RBM27: variants seen among roughly 807,000 people sequenced by gnomAD.
RBM27 encodes RNA binding motif protein 27.
Under a neutral mutation model 135.3 loss-of-function variants are expected in RBM27, and 22 were observed. The ratio of observed to expected loss-of-function variants is 0.16; its 90% CI spans 0.12 to 0.23. RBM27 has a LOEUF of 0.23. Ranked by LOEUF, RBM27 falls within the 10% of genes least tolerant of loss-of-function variation. The pLI is 1.00. For synonymous variants in RBM27, 481 were observed against 442.4 expected, an observed-to-expected ratio of 1.09 and a Z score of -1.10; for missense variants, 1,009 against 1,281.0, an observed-to-expected ratio of 0.79 and a Z score of 3.24.
chr5:146,209,138 G>A (rs1755831491), intron 1 of RBM27, among the ~76,000 whole-genome samples: 1 of 152,058 alleles, frequency 6.6e-6, no homozygotes, highest in Non-Finnish European at 1.5e-5. Context: ...GAGTATTAAT[G>A]ATGTAGACTT....
intron 1 of RBM27, among the ~76,000 whole-genome samples, chr5:146,209,399 A>G (rs891767379): frequency 3.3e-5 from 5 of 152,208 alleles, no homozygotes; most frequent in Non-Finnish European, 5.9e-5. Flanking sequence ...ATTTCTGGCC[A>G]TATCAGTGTC....
Position 146,233,746 on chromosome 5 carries a change from A to C in RBM27, c.1144+3A>C. 2.1e-6 allele frequency: 3 copies of C among 1,405,946 alleles called. No individual in the cohort carries two copies. In the South Asian group the frequency reaches 5.9e-5, roughly 28 times the overall value. 87.1% of individuals were successfully genotyped at this position (1,405,946 alleles called of 1,614,324 possible). On this transcript the variant is annotated splice_donor_region_variant and intron_variant, in intron 7 of 20. Coordinates refer to ENST00000265271, the MANE Select transcript of RBM27 (RefSeq NM_018989.2). ...ATCCGTTGTGCTTCCCATACCAAGT[A>C]AGTATATATTTGTTGAATTTTTCTC...
chr5:146,239,872 G>A (rs1757329911), intron 8 of RBM27, among the ~76,000 whole-genome samples: 1 of 150,712 alleles, frequency 6.6e-6, no homozygotes, highest in African/African-American at 2.4e-5. Context: ...TGATCTTCCA[G>A]GCTAAGTGAT....
intron 9 of RBM27, among the ~76,000 whole-genome samples, chr5:146,252,221 T>C (rs998910846): frequency 1.3e-5 from 2 of 152,224 alleles, no homozygotes; most frequent in African/African-American, 2.4e-5. Flanking sequence ...ACTAGGTTAA[T>C]TTTTCTTTAA....
intron 1 of RBM27, among the ~76,000 whole-genome samples, chr5:146,207,889 A>T (rs1411793140): frequency 6.9e-6 from 1 of 145,756 alleles, no homozygotes; most frequent in Non-Finnish European, 1.5e-5. Flanking sequence ...TCCTGACCTC[A>T]GGTGATCCGC....
At chr5:146,204,815 T>C (rs1306750476) in intron 1 of RBM27, among the ~76,000 whole-genome samples, 1 of 152,204 alleles carries the variant, frequency 6.6e-6, no homozygotes, top group Non-Finnish European at 1.5e-5. Flanking sequence ...GAGAGACCTG[T>C]CTTTTAAAAA....
chr5:146,210,736 G>C (rs1345123867), intron 1 of RBM27, among the ~76,000 whole-genome samples: 1 of 151,018 alleles, frequency 6.6e-6, no homozygotes, highest in Non-Finnish European at 1.5e-5. Flanking sequence ...TCACGAGGTG[G>C]GGAGATGGAG....
At chr5:146,262,890 CT>C (rs1156565843) in intron 13 of RBM27, among the ~76,000 whole-genome samples, 2,782 of 140,330 alleles carry the variant, frequency 0.02, 24 homozygotes, top group Middle Eastern at 0.049. Context: ...TTCTTTTTTC[CT>C]TTTTTTTTTT....
chr5:146,258,049 C>A (rs1202746903), intron 10 of RBM27, among the ~76,000 whole-genome samples: 1 of 152,100 alleles, frequency 6.6e-6, no homozygotes, highest in Non-Finnish European at 1.5e-5. Context: ...GAACTCCCGA[C>A]CTCAGGTGAT....
Position 146,230,835 on chromosome 5 carries a change from G to T in RBM27, c.768G>T (p.Trp256Cys), listed in dbSNP as rs774056823. Residue 256 changes from tryptophan (W) to cysteine (C), a missense_variant, in exon 6 of 21, where the codon TGG (tryptophan) becomes TGT (cysteine). Physicochemically the swap from Trp to Cys is radical, Grantham distance 215. This residue lies in a region of RBM27 where 268 missense variants were observed against 326.6 expected (regional missense o/e 0.82). Transcript: ENST00000265271. ...AHHSENTTES[W>C]SNYYNNHSSS... The stretch of plus-strand genomic sequence containing the variant: ...ACTCTGAAAACACAACTGAGAGTTG[G>T]TCTAATTACTATAACAATCATAGCT... 6.2e-7 allele frequency: 1 copy of T among 1,613,960 alleles called. No homozygotes were observed. Among genetic ancestry groups the T allele is most frequent in the East Asian group, 2.2e-5 (1 of 44,882 alleles).
chr5:146,256,254 T>A (rs1178180732), intron 10 of RBM27, among the ~76,000 whole-genome samples: 1 of 148,892 alleles, frequency 6.7e-6, no homozygotes, highest in Non-Finnish European at 1.5e-5. Context: ...AGGTTTTGTA[T>A]GAAGACTACA....
At chr5:146,272,766 A>G (rs771351438) in intron 19 of RBM27, among the ~76,000 whole-genome samples, 6 of 152,112 alleles carry the variant, frequency 3.9e-5, no homozygotes, top group African/African-American at 4.8e-5. Flanking sequence ...GAAATCATAA[A>G]GAGCAAGGCT....
At chr5:146,271,905 T>G (rs1758882490) in intron 19 of RBM27, among the ~76,000 whole-genome samples, 2 of 152,268 alleles carry the variant, frequency 1.3e-5, no homozygotes, top group South Asian at 4.1e-4. Context: ...GTTCCAGAGC[T>G]ATATTTAATT....
chr5:146,222,186 G>A (rs545571011), intron 2 of RBM27, among the ~76,000 whole-genome samples: 21 of 152,268 alleles, frequency 1.4e-4, no homozygotes, highest in African/African-American at 4.6e-4. Flanking sequence ...TTTTATAATC[G>A]TGGAAAAATG....
chr5:146,215,150 A>G (rs992666417), intron 1 of RBM27, among the ~76,000 whole-genome samples: 14 of 152,150 alleles, frequency 9.2e-5, no homozygotes, highest in African/African-American at 2.7e-4. Context: ...CCCAGGCTCA[A>G]GCAGTTCTCC....
chr5:146,220,139 G>A (rs904734907), intron 2 of RBM27, among the ~76,000 whole-genome samples: 4 of 152,112 alleles, frequency 2.6e-5, no homozygotes, highest in Non-Finnish European at 5.9e-5. Context: ...TGAGAGTGGA[G>A]ACTTGGAACC....
chr5:146,259,009 C>T (rs1474880799), intron 11 of RBM27, among the ~76,000 whole-genome samples: 1 of 151,972 alleles, frequency 6.6e-6, no homozygotes, highest in African/African-American at 2.4e-5. Context: ...GATCCACCCA[C>T]CTTGGCCTCC....
At chr5:146,280,446 G>T (rs1192670743) in intron 19 of RBM27, among the ~76,000 whole-genome samples, 1 of 152,158 alleles carries the variant, frequency 6.6e-6, no homozygotes, top group Non-Finnish European at 1.5e-5. Flanking sequence ...ATAGTTCAAT[G>T]ATTTATGAGA....
intron 8 of RBM27, among the ~76,000 whole-genome samples, chr5:146,244,637 C>G (rs1757545818): frequency 6.6e-6 from 1 of 151,836 alleles, no homozygotes. Flanking sequence ...CTTTCAGGCT[C>G]TGGAAATCCT....
Sources: allele counts gnomAD v4.1 joint callset (sites outside exome capture counted in the v4.1 genomes callset), GRCh38; gene constraint gnomAD v4.1.1; regional missense constraint gnomAD v4.1.1; transcripts MANE v1.5; gene names NCBI Gene and HGNC (gene_info 2026-07-23, HGNC 2026-07-21).